Variants in SFXN4 observed in about 807,000 individuals in gnomAD.
The protein encoded by SFXN4 is sideroflexin 4, also known as sideroflexin-4.
A neutral mutation model predicts 54.6 loss-of-function variants in SFXN4; 48 were observed. The observed-to-expected ratio is 0.88, with a 90% CI of 0.70 to 1.12. SFXN4 has a LOEUF of 1.12. Ranked by LOEUF, SFXN4 falls within the 50% of genes most tolerant of loss-of-function variation. The pLI, the probability that SFXN4 is intolerant of heterozygous loss-of-function variation, is 0.00. For missense variants in SFXN4, 383 were observed against 409.2 expected (o/e 0.94, Z 0.55); for synonymous variants, 130 against 145.5 (o/e 0.89, Z 0.77).
chr10:119,143,162 G>A (rs1846628428), intron 13 of SFXN4, among the ~76,000 whole-genome samples: 2 of 152,084 alleles, frequency 1.3e-5, no homozygotes, highest in South Asian at 2.1e-4. Flanking sequence ...TGACTTACCT[G>A]CTGCCCTGCT....
chr10:119,165,139 A>T (rs11198807), intron 1 of SFXN4: 477,981 of 925,400 alleles, frequency 0.52, 127,919 homozygotes, highest in South Asian at 0.56. Context: ...AGTCCTGCTT[A>T]TGTCCTGCCC....
chr10:119,147,934 G>C (rs1239139791), intron 11 of SFXN4, 74 bp from the exon 12 acceptor site: 1 of 1,199,566 alleles, frequency 8.3e-7, no homozygotes, highest in African/African-American at 1.5e-5. Flanking sequence ...ACTTTGGGAG[G>C]CCGAGGCGGG....
intron 11 of SFXN4, among the ~76,000 whole-genome samples, chr10:119,148,576 T>A (rs1846918160): frequency 6.6e-6 from 1 of 152,092 alleles, no homozygotes; most frequent in Admixed American, 6.6e-5. Context: ...TACCTGCCAT[T>A]GGGGAAGCCT....
chr10:119,161,301 T>C lies in SFXN4; in HGVS notation c.253-220A>G, dbSNP rs572483897. Among the ~76,000 whole-genome samples the C allele has an allele frequency of 3.9e-5, 6 of 152,016 alleles. No individual in the cohort carries two copies. The East Asian group carries it at 1.2e-3, about 29-fold the overall frequency. On this transcript the variant is annotated intron_variant, in intron 3 of 13. Coordinates refer to ENST00000355697, the MANE Select transcript of SFXN4 (RefSeq NM_213649.2). Reference sequence around the variant, plus strand: ...TCCCAACTAGTTGTTTAATTTTTAGTAGAGATGGGGTCTTGCTATACGGCC... The same window carrying C: ...TCCCAACTAGTTGTTTAATTTTTAGCAGAGATGGGGTCTTGCTATACGGCC...
Position 119,155,108 on chromosome 10 carries a change from T to C in SFXN4, c.686A>G (p.Asp229Gly). ...LESIKGIAVM[D>G]KEGNVLGHSR... ...ATGACCCAGGACATTGCCTTCCTTG[T>C]CCATGACCGCAATCCCCTTAATGGA... is the stretch of plus-strand genomic sequence containing the variant. Residue 229 changes from aspartate (D) to glycine (G), a missense_variant, in exon 11 of 14, where the codon GAC becomes GGC. Physicochemically the swap from Asp to Gly is moderately conservative, Grantham distance 94 (BLOSUM62 -1). Coordinates refer to ENST00000355697, the MANE Select transcript of SFXN4 (RefSeq NM_213649.2). The C allele has an allele frequency of 1.2e-6, 2 of 1,614,226 alleles. No individual in the cohort carries two copies. The highest frequency in any genetic ancestry group is 1.7e-6 in the Non-Finnish European group (2 of 1,180,016).
intron 10 of SFXN4, among the ~76,000 whole-genome samples, chr10:119,155,649 C>A (rs868365815): frequency 1.8e-4 from 27 of 152,108 alleles, no homozygotes; most frequent in Non-Finnish European, 3.4e-4. Flanking sequence ...TGCCCCACCA[C>A]GCCCGGCTAA....
intron 13 of SFXN4, among the ~76,000 whole-genome samples, chr10:119,144,178 C>T (rs77406615): frequency 0.047 from 7,168 of 152,174 alleles, 579 homozygotes; most frequent in African/African-American, 0.16. Context: ...TAGTATCAGC[C>T]GGGCGTGGTG....
chr10:119,161,252 G>T (rs1293484309), intron 3 of SFXN4, among the ~76,000 whole-genome samples, 171 bp from the exon 4 acceptor site: 1 of 151,962 alleles, frequency 6.6e-6, no homozygotes, highest in Non-Finnish European at 1.5e-5. Flanking sequence ...CTGAATAGCT[G>T]AAACTACAGG....
intron 9 of SFXN4, among the ~76,000 whole-genome samples, chr10:119,157,221 GA>G (rs1370084287): frequency 6.6e-6 from 1 of 152,110 alleles, no homozygotes; most frequent in African/African-American, 2.4e-5. Flanking sequence ...CTGAGGTCAG[GA>G]GTTTGAGATC....
At chr10:119,147,750 C>T in intron 12 of SFXN4, 25 bp downstream of exon 12, 1 of 1,596,130 alleles carries the variant, frequency 6.3e-7, no homozygotes, top group Non-Finnish European at 8.6e-7. Context: ...AAATCCCTAC[C>T]TGGGGATATG....
At chr10:119,148,709 T>A (rs531545394) in intron 11 of SFXN4, among the ~76,000 whole-genome samples, 1 of 152,230 alleles carries the variant, frequency 6.6e-6, no homozygotes, top group Non-Finnish European at 1.5e-5. Context: ...GTACAGGTTA[T>A]AACATTTTTG....
chr10:119,165,533 G>A lies in SFXN4; in HGVS notation c.111+4C>T. On this transcript the variant is annotated splice_donor_region_variant and intron_variant, in intron 1 of 13. Transcript: ENST00000355697. ...CCCCTAGTCGCGCCGGGCCCGGGCCGTACTTGGCGCTCGGTGATCCAGAAG... is the reference window on the plus strand; with the variant it reads ...CCCCTAGTCGCGCCGGGCCCGGGCCATACTTGGCGCTCGGTGATCCAGAAG... The A allele has an allele frequency of 3.2e-6, 5 of 1,579,390 alleles. No individual in the cohort carries two copies. The highest frequency in any genetic ancestry group is 1.4e-5 in the African/African-American group (1 of 71,672).
At chr10:119,145,081 A>C (rs1030351737) in intron 13 of SFXN4, among the ~76,000 whole-genome samples, 1 of 122,834 alleles carries the variant, frequency 8.1e-6, no homozygotes, top group African/African-American at 2.5e-5. Flanking sequence ...TGAGGGATAG[A>C]ATTAAATATA....
intron 11 of SFXN4, 59 bp from the exon 12 acceptor site, chr10:119,147,919 C>T: frequency 7.0e-7 from 1 of 1,433,886 alleles, no homozygotes; most frequent in South Asian, 1.1e-5. Context: ...GCCTGTAATC[C>T]CTGCACTTTG....
intron 13 of SFXN4, among the ~76,000 whole-genome samples, chr10:119,145,311 ATTTTTT>A (rs1223685344): frequency 1.5e-5 from 1 of 68,098 alleles, no homozygotes; most frequent in Non-Finnish European, 3.5e-5. Flanking sequence ...TTTTCTTATG[ATTTTTT>A]TTTTTTTTTT....
At chr10:119,156,102 G>A (rs1489677049) in intron 10 of SFXN4, among the ~76,000 whole-genome samples, 1 of 152,156 alleles carries the variant, frequency 6.6e-6, no homozygotes, top group African/African-American at 2.4e-5. Flanking sequence ...GTAAAATAAT[G>A]TAAGTAGAAC....
In SFXN4 at chr10:119,164,635, C is replaced by T. The variant is rs553678743; in HGVS notation, c.112-439G>A. The stretch of plus-strand genomic sequence containing the variant: ...CAAAGGATGGACGCCCCATTAAGGG[C>T]TCAATGGTGCAGCTGGGGTCACACT... On this transcript the variant is annotated intron_variant, in intron 1 of 13. Coordinates refer to ENST00000355697, the MANE Select transcript of SFXN4 (RefSeq NM_213649.2). Among the ~76,000 whole-genome samples the T allele has an allele frequency of 2.0e-5, 3 of 152,256 alleles. No homozygotes were observed. In the East Asian group the frequency reaches 5.8e-4, roughly 29 times the overall value.
At chr10:119,145,635 G>T (rs1022272381) in intron 13 of SFXN4, among the ~76,000 whole-genome samples, 3 of 151,804 alleles carry the variant, frequency 2.0e-5, no homozygotes, top group African/African-American at 7.3e-5. Context: ...ATTTTCTCTA[G>T]TTTATTGTAG....
At chr10:119,144,492 T>C (rs1015055082) in intron 13 of SFXN4, among the ~76,000 whole-genome samples, 1 of 151,940 alleles carries the variant, frequency 6.6e-6, no homozygotes, top group African/African-American at 2.4e-5. Flanking sequence ...CTAGCATCAG[T>C]AATGTCTTTG....
Sources: allele counts gnomAD v4.1 joint callset (sites outside exome capture counted in the v4.1 genomes callset), GRCh38; gene constraint gnomAD v4.1.1; transcripts MANE v1.5; gene names NCBI Gene and HGNC (gene_info 2026-07-23, HGNC 2026-07-21).